The following MPP7 variants were observed in gnomAD, a reference collection of about 807,000 sequenced individuals.
The protein encoded by MPP7 is MAGUK p55 scaffold protein 7, also known as MAGUK p55 subfamily member 7.
In MPP7, 60 loss-of-function variants were observed where a neutral mutation model predicts 76.5. The ratio of observed to expected loss-of-function variants is 0.78; its 90% CI spans 0.64 to 0.97. MPP7 has a LOEUF of 0.97. Among genes scored for constraint, MPP7 ranks in the 50% least tolerant of loss-of-function variants. The pLI is 0.00. For missense variants in MPP7, 641 were observed against 694.0 expected, an observed-to-expected ratio of 0.92 and a Z score of 0.86; for synonymous variants, 237 against 244.5, an observed-to-expected ratio of 0.97 and a Z score of 0.29.
intron 1 of MPP7, among the ~76,000 whole-genome samples, chr10:28,265,540 C>G (rs556392243): frequency 6.6e-6 from 1 of 152,086 alleles, no homozygotes; most frequent in Non-Finnish European, 1.5e-5. Context: ...GCTTGGGCAA[C>G]AGCATAAGAT....
At chr10:28,058,155 G>C (rs1851637916) in intron 15 of MPP7, among the ~76,000 whole-genome samples, 1 of 152,114 alleles carries the variant, frequency 6.6e-6, no homozygotes, top group Non-Finnish European at 1.5e-5. Context: ...TAACACATAA[G>C]AATGCATTAT....
intron 12 of MPP7, among the ~76,000 whole-genome samples, chr10:28,077,444 C>T (rs1852548798): frequency 6.6e-6 from 1 of 152,146 alleles, no homozygotes; most frequent in African/African-American, 2.4e-5. Flanking sequence ...AGCATTTTCC[C>T]AGTCAGGCCC....
intron 12 of MPP7, among the ~76,000 whole-genome samples, chr10:28,083,002 T>C (rs1020670728): frequency 1.3e-5 from 2 of 152,214 alleles, no homozygotes; most frequent in East Asian, 3.8e-4. Context: ...TAGGTGTTTT[T>C]ATTATCTCAA....
At chr10:28,136,709 A>G (rs1835364641) in intron 5 of MPP7, among the ~76,000 whole-genome samples, 1 of 152,174 alleles carries the variant, frequency 6.6e-6, no homozygotes, top group Non-Finnish European at 1.5e-5. Context: ...AGTATGAAAT[A>G]AGAAAAAAGT....
At chr10:28,149,938 T>C (rs1227577593) in intron 4 of MPP7, 44 bp downstream of exon 4, 1 of 1,512,270 alleles carries the variant, frequency 6.6e-7, no homozygotes. Context: ...CTGGGCCAGG[T>C]CTGCAGCAGA....
chr10:28,271,699 G>A (rs1056090642), intron 1 of MPP7, among the ~76,000 whole-genome samples: 6 of 152,176 alleles, frequency 3.9e-5, no homozygotes, highest in African/African-American at 1.2e-4. Context: ...TGTGAGGCCT[G>A]GGGCAGTGGC....
intron 2 of MPP7, among the ~76,000 whole-genome samples, chr10:28,207,646 C>T (rs772119823): frequency 6.0e-5 from 9 of 151,178 alleles, no homozygotes; most frequent in Non-Finnish European, 1.2e-4. Context: ...TGACTATAAT[C>T]ACATCACTTT....
At chr10:28,185,656 A>G (rs1229953784) in intron 3 of MPP7, among the ~76,000 whole-genome samples, 1 of 152,172 alleles carries the variant, frequency 6.6e-6, no homozygotes, top group Non-Finnish European at 1.5e-5. Flanking sequence ...CCAAAGGCCT[A>G]AAGTTCCAAA....
intron 12 of MPP7, 126 bp downstream of exon 12, chr10:28,089,545 C>G: frequency 1.2e-6 from 1 of 811,046 alleles, no homozygotes; most frequent in Non-Finnish European, 1.9e-6. Flanking sequence ...GTTTCAGAGA[C>G]AAGACAAAAG....
chr10:28,185,280 TAA>T (rs1277631934), intron 3 of MPP7, among the ~76,000 whole-genome samples: 1 of 151,392 alleles, frequency 6.6e-6, no homozygotes, highest in Non-Finnish European at 1.5e-5. Flanking sequence ...GATAATAATA[TAA>T]GTTATTATCT....
chr10:28,206,021 C>CTT (rs1564700992), intron 2 of MPP7, among the ~76,000 whole-genome samples: 22 of 152,158 alleles, frequency 1.4e-4, no homozygotes, highest in Non-Finnish European at 2.2e-4. Flanking sequence ...AGGCCCTCAT[C>CTT]AGATTCTGGT....
At chr10:28,300,609 T>A (rs1841131649) in intron 1 of MPP7, among the ~76,000 whole-genome samples, 2 of 152,196 alleles carry the variant, frequency 1.3e-5, no homozygotes, top group Middle Eastern at 6.8e-3. Context: ...AATGTACATG[T>A]GAAACAGAGG....
chr10:28,257,227 C>T (rs765852630), intron 1 of MPP7, among the ~76,000 whole-genome samples: 7 of 152,012 alleles, frequency 4.6e-5, no homozygotes, highest in African/African-American at 7.3e-5. Context: ...TGTCATGACA[C>T]GAACTGGAAA....
In MPP7 at chr10:28,119,669, CTT is replaced by C; in HGVS notation, c.932_933del (p.Lys311SerfsTer10). ...RRPEILVQPL[K>X]VSNRKSSGFR... ...AACTTACATGATTTCCTGTTGGAAACTTTCAGGGGCTGAACCAATATTTCTGG... is the reference window on the plus strand; with the variant it reads ...AACTTACATGATTTCCTGTTGGAAACTCAGGGGCTGAACCAATATTTCTGG... On this transcript the variant is annotated frameshift_variant, in exon 11 of 17. Transcript: ENST00000683449. LOFTEE classifies it high-confidence loss of function. 2 of 1,613,654 alleles carry C rather than the reference CTT, an allele frequency of 1.2e-6. No homozygotes were observed. The highest frequency in any genetic ancestry group is 1.7e-6 in the Non-Finnish European group (2 of 1,179,722).
chr10:28,279,915 T>A (rs921625474), intron 1 of MPP7, among the ~76,000 whole-genome samples: 1 of 152,150 alleles, frequency 6.6e-6, no homozygotes, highest in Admixed American at 6.5e-5. Context: ...TTAGAATTAT[T>A]ATGACTGTCA....
chr10:28,204,562 C>T (rs1837887575), intron 2 of MPP7, among the ~76,000 whole-genome samples: 1 of 152,050 alleles, frequency 6.6e-6, no homozygotes, highest in Admixed American at 6.6e-5. Flanking sequence ...ATGGCAATTT[C>T]CTAATTGCAA....
At chr10:28,314,613 T>A (rs1841308511) in intron 2 of MPP7, among the ~76,000 whole-genome samples, 1 of 152,316 alleles carries the variant, frequency 6.6e-6, no homozygotes, top group East Asian at 1.9e-4. Flanking sequence ...TCAGTAAGAT[T>A]GGAACACTGA....
chr10:28,273,718 C>A (rs7078842), intron 1 of MPP7, among the ~76,000 whole-genome samples: 22,706 of 152,230 alleles, frequency 0.15, 1,792 homozygotes, highest in South Asian at 0.19. Flanking sequence ...CTCTTCTTTG[C>A]AGAACGCAAT....
In MPP7 at chr10:28,194,182, T is replaced by C. The variant is rs886224968; in HGVS notation, c.156+7971A>G. ...GGCGCGTGCCACCACACCTGGCTAG[T>C]TTTTTGTATTTCTAGTAGAGATAGG... On this transcript the variant is annotated intron_variant, in intron 3 of 16. Transcript: ENST00000683449. Among the ~76,000 whole-genome samples, 5 of 151,856 alleles carry C rather than the reference T, an allele frequency of 3.3e-5. No individual in the cohort carries two copies. In the East Asian group the frequency reaches 9.7e-4, roughly 29 times the overall value.
Sources: allele counts gnomAD v4.1 joint callset (sites outside exome capture counted in the v4.1 genomes callset), GRCh38; gene constraint gnomAD v4.1.1; transcripts MANE v1.5; gene names NCBI Gene and HGNC (gene_info 2026-07-23, HGNC 2026-07-21).